Variants in TNKS observed in about 807,000 individuals in gnomAD.
The protein encoded by TNKS is poly [ADP-ribose] polymerase tankyrase-1.
Under a neutral mutation model 135.8 loss-of-function variants are expected in TNKS, and 72 were observed. The ratio of observed to expected loss-of-function variants is 0.53; its 90% CI spans 0.44 to 0.64. TNKS has a LOEUF of 0.64. TNKS is among the 30% of genes least tolerant of loss of function. TNKS has a pLI of 0.00. For missense variants in TNKS, 1,769 were observed against 1,674.0 expected (o/e 1.06, Z -0.99); for synonymous variants, 849 against 649.3 (o/e 1.31, Z -4.68).
intron 17 of TNKS, among the ~76,000 whole-genome samples, chr8:9,746,330 A>G (rs34308976): frequency 0.12 from 18,150 of 152,142 alleles, 1,419 homozygotes; most frequent in Admixed American, 0.25. Context: ...AGTAGTGCCT[A>G]TTGTGTGATC....
At chr8:9,766,117 A>G in intron 24 of TNKS, 122 bp from the exon 25 acceptor site, 1 of 846,500 alleles carries the variant, frequency 1.2e-6, no homozygotes, top group South Asian at 2.0e-5. Flanking sequence ...TTCTTAGAAA[A>G]TACTTTTCAT....
rs1027214342 is a variant in TNKS, at chr8:9,780,410, C to T, written c.*3674C>T. The stretch of plus-strand genomic sequence containing the variant: ...TAATTTGGCAGGTATTCAAAACTGC[C>T]ATTAAGATAGGATTTCATGTCAGAT... On this transcript the variant is annotated 3_prime_UTR_variant, in exon 27 of 27. Coordinates refer to ENST00000310430, the MANE Select transcript of TNKS (RefSeq NM_003747.3). 2.0e-5 allele frequency: 3 copies of T among 152,090 alleles called. No individual in the cohort carries two copies. The highest frequency in any genetic ancestry group is 6.5e-5 in the Admixed American group (1 of 15,274). The allele number at this position is 152,090 out of a possible 1,614,324, so 9.4% of individuals were successfully genotyped here.
Position 9,770,249 on chromosome 8 carries a change from A to G in TNKS, c.3884A>G (p.Tyr1295Cys), listed in dbSNP as rs1254097844. The G allele has an allele frequency of 6.2e-7, 1 of 1,611,998 alleles. No homozygotes were observed. The highest frequency in any genetic ancestry group is 8.5e-7 in the Non-Finnish European group (1 of 1,179,004). ...NGLAYAEYVI[Y>C]RGEQAYPEYL... ...CTGGCATATGCTGAATATGTCATCT[A>G]CAGAGGAGAACAGGTATGTTACTCA... The change falls in exon 26 of 27, where the codon TAC becomes TGC. Residue 1295 changes from tyrosine (Y) to cysteine (C), a missense_variant. This residue lies in a region of TNKS where 722 missense variants were observed against 688.9 expected (regional missense o/e 1.05). Transcript: ENST00000310430.
In TNKS at chr8:9,720,388, C is replaced by T; in HGVS notation, c.1764C>T (p.Asp588=). ...TGATTTTTCAGATGAATGCACTGGA[C>T]ACCCTTGGTCAGACTGCTTTGCATA... ...HKHGAKMNAL[D]TLGQTALHRA... The change falls in exon 12 of 27, where the codon GAC becomes GAT. Residue 588 remains aspartate (D), a synonymous_variant. Coordinates refer to ENST00000310430, the MANE Select transcript of TNKS (RefSeq NM_003747.3). The T allele has an allele frequency of 6.2e-7, 1 of 1,607,404 alleles. No individual in the cohort carries two copies. Among genetic ancestry groups the T allele is most frequent in the Non-Finnish European group, 8.5e-7 (1 of 1,177,368 alleles).
Position 9,556,485 on chromosome 8 carries a change from C to T in TNKS, c.546C>T (p.Ala182=), listed in dbSNP as rs1308040671. The change falls in exon 1 of 27, where the codon GCC becomes GCT. Residue 182 remains alanine, a synonymous_variant. Transcript: ENST00000310430. ...PGTGVPAVSG[A]LRELLEACRN... is the part of the protein sequence containing the mutation. ...CAGGGGTCCCAGCAGTGAGCGGGGC[C>T]CTACGGGAACTGCTGGAGGCCTGTC... 2 of 1,614,108 alleles carry T rather than the reference C, an allele frequency of 1.2e-6. No individual in the cohort carries two copies. Among genetic ancestry groups the T allele is most frequent in the Middle Eastern group, 1.6e-4 (1 of 6,062 alleles).
chr8:9,772,845 G>A (rs1019851576), intron 26 of TNKS, among the ~76,000 whole-genome samples: 1 of 139,020 alleles, frequency 7.2e-6, no homozygotes, highest in Non-Finnish European at 1.5e-5. Flanking sequence ...GTGTGTGTGT[G>A]TGTGTGTGTG....
chr8:9,733,261 T>A lies in TNKS; in HGVS notation c.2148-18T>A. On this transcript the variant is annotated intron_variant, in intron 14 of 26. Transcript: ENST00000310430. ...AAAGGTTTGTTTTATGACTTTAAAA[T>A]AACTTTCTTTTGTTTAGTGGCTTGG... The A allele has an allele frequency of 6.5e-7, 1 of 1,542,414 alleles. No homozygotes were observed. Among genetic ancestry groups the A allele is most frequent in the Non-Finnish European group, 8.7e-7 (1 of 1,153,062 alleles).
chr8:9,694,100 G>C (rs1157211133), intron 5 of TNKS, among the ~76,000 whole-genome samples: 1 of 152,152 alleles, frequency 6.6e-6, no homozygotes, highest in Non-Finnish European at 1.5e-5. Flanking sequence ...CTTCACAGTT[G>C]TGATTTTATT....
intron 26 of TNKS, among the ~76,000 whole-genome samples, chr8:9,773,152 C>T (rs575808138): frequency 1.3e-5 from 2 of 148,192 alleles, no homozygotes; most frequent in East Asian, 1.9e-4. Flanking sequence ...AATTATACTT[C>T]TTCTAGAAAT....
At chr8:9,607,635 G>A (rs945927604) in intron 2 of TNKS, among the ~76,000 whole-genome samples, 4 of 152,034 alleles carry the variant, frequency 2.6e-5, no homozygotes, top group Admixed American at 1.3e-4. Context: ...AAAAATACTC[G>A]TTTCCTAAGT....
chr8:9,627,184 T>C (rs6987698), intron 3 of TNKS, among the ~76,000 whole-genome samples: 108,196 of 152,100 alleles, frequency 0.71, 38,818 homozygotes, highest in Middle Eastern at 0.8. Context: ...CAGCTGGTGC[T>C]CCAGGGATGG....
chr8:9,761,441 G>T, intron 20 of TNKS, 75 bp from the exon 21 acceptor site: 1 of 1,477,674 alleles, frequency 6.8e-7, no homozygotes, highest in Non-Finnish European at 9.3e-7. Flanking sequence ...TCGTAGCATT[G>T]AAGGCAATTG....
At chr8:9,563,748 A>C (rs1338932100) in intron 1 of TNKS, among the ~76,000 whole-genome samples, 1 of 152,132 alleles carries the variant, frequency 6.6e-6, no homozygotes, top group African/African-American at 2.4e-5. Context: ...CTAGTGTTAA[A>C]ATAATTGATT....
intron 2 of TNKS, among the ~76,000 whole-genome samples, chr8:9,607,999 G>C (rs902664811): frequency 1.3e-5 from 2 of 152,138 alleles, no homozygotes; most frequent in Non-Finnish European, 2.9e-5. Flanking sequence ...GAGTGCAGTG[G>C]TGCGATCATG....
Position 9,555,939 on chromosome 8 carries a change from G to A in TNKS, c.-1G>A, listed in dbSNP as rs781149091. The A allele has an allele frequency of 2.5e-6, 4 of 1,608,986 alleles. No individual in the cohort carries two copies. In the East Asian group the frequency reaches 6.7e-5, roughly 27 times the overall value. On this transcript the variant is annotated 5_prime_UTR_variant, in exon 1 of 27. Coordinates refer to ENST00000310430, the MANE Select transcript of TNKS (RefSeq NM_003747.3). ...AGTGACAGTGCTAGGGGAGTCCGAA[G>A]ATGGCGGCGTCGCGTCGCTCTCAGC...
chr8:9,561,761 A>G (rs1205991140), intron 1 of TNKS, among the ~76,000 whole-genome samples: 4 of 152,138 alleles, frequency 2.6e-5, no homozygotes, highest in Non-Finnish European at 4.4e-5. Flanking sequence ...GTCCGGTTTT[A>G]TAAGAAACTG....
At chr8:9,719,747 T>G (rs1339345415) in intron 11 of TNKS, among the ~76,000 whole-genome samples, 1 of 152,192 alleles carries the variant, frequency 6.6e-6, no homozygotes, top group Non-Finnish European at 1.5e-5. Flanking sequence ...AAGAACATGA[T>G]GCCAGTGTTT....
chr8:9,634,830 G>GCT (rs1194584637), intron 3 of TNKS, among the ~76,000 whole-genome samples: 1 of 152,086 alleles, frequency 6.6e-6, no homozygotes, highest in Non-Finnish European at 1.5e-5. Context: ...TGATTTCAAA[G>GCT]CTAGGTCGGG....
intron 3 of TNKS, among the ~76,000 whole-genome samples, chr8:9,626,994 C>T (rs1223525512): frequency 1.3e-5 from 2 of 152,056 alleles, no homozygotes; most frequent in East Asian, 3.9e-4. Context: ...TTGGATAGAC[C>T]AGAGCATAAT....
Sources: gnomAD v4.1 joint callset for allele counts (sites outside exome capture counted in the v4.1 genomes callset) on GRCh38, gnomAD v4.1.1 for gene constraint, gnomAD v4.1.1 regional missense constraint, MANE v1.5 for transcripts, NCBI Gene and HGNC (gene_info 2026-07-23, HGNC 2026-07-21) for gene names.